The following FHIT variants were observed in gnomAD, a reference collection of about 807,000 sequenced individuals.
The protein encoded by FHIT is fragile histidine triad diadenosine triphosphatase.
FHIT carries 19 observed loss-of-function variants against 17.9 expected under a neutral mutation model. The ratio of observed to expected loss-of-function variants is 1.06; its 90% CI spans 0.74 to 1.56. The LOEUF (loss-of-function observed/expected upper bound fraction) is 1.56, where lower values mean the gene tolerates loss of function less well. FHIT is among the 40% of genes most tolerant of loss of function. The probability of loss-of-function intolerance (pLI) is 0.00; values close to 1 mark genes in which losing one functional copy is unlikely to be tolerated. For missense variants in FHIT, 248 were observed against 189.2 expected (o/e 1.31, Z -1.82); for synonymous variants, 81 against 69.7 (o/e 1.16, Z -0.81).
At chr3:60,072,525 G>A (rs1702822818) in intron 5 of FHIT, among the ~76,000 whole-genome samples, 1 of 152,140 alleles carries the variant, frequency 6.6e-6, no homozygotes, top group South Asian at 2.1e-4. Context: ...TATGTGCTGG[G>A]CACTGTTTTA....
intron 7 of FHIT, among the ~76,000 whole-genome samples, chr3:59,936,689 G>C (rs761224443): frequency 2.0e-5 from 3 of 152,034 alleles, no homozygotes; most frequent in African/African-American, 7.2e-5. Flanking sequence ...CAGTCCAAAG[G>C]GGAAAAAATG....
chr3:59,898,264 TG>T (rs1309903867), intron 8 of FHIT, among the ~76,000 whole-genome samples: 1 of 152,218 alleles, frequency 6.6e-6, no homozygotes, highest in Non-Finnish European at 1.5e-5. Context: ...TGTTTAGACT[TG>T]GGTCCCATTC....
intron 8 of FHIT, among the ~76,000 whole-genome samples, chr3:59,891,774 G>C (rs186462585): frequency 1.3e-5 from 2 of 152,098 alleles, no homozygotes; most frequent in African/African-American, 4.8e-5. Flanking sequence ...TGGATGTCTT[G>C]TAAGTAAAAT....
At chr3:60,205,642 T>A (rs1239226707) in intron 5 of FHIT, among the ~76,000 whole-genome samples, 1 of 152,168 alleles carries the variant, frequency 6.6e-6, no homozygotes, top group African/African-American at 2.4e-5. Flanking sequence ...GGGTCATGTG[T>A]ACGGGAATGG....
intron 4 of FHIT, among the ~76,000 whole-genome samples, chr3:60,623,702 T>C (rs2039199300): frequency 6.6e-6 from 1 of 152,156 alleles, no homozygotes; most frequent in South Asian, 2.1e-4. Flanking sequence ...ACAAATTAAA[T>C]TGCAGTTAGA....
At chr3:61,228,706 G>T (rs1244511885) in intron 1 of FHIT, among the ~76,000 whole-genome samples, 1 of 152,152 alleles carries the variant, frequency 6.6e-6, no homozygotes, top group Non-Finnish European at 1.5e-5. Context: ...TATTTTAGGA[G>T]GAATATTGGC....
At chr3:59,970,870 A>G (rs992426811) in intron 7 of FHIT, among the ~76,000 whole-genome samples, 2 of 149,310 alleles carry the variant, frequency 1.3e-5, no homozygotes, top group Non-Finnish European at 3.0e-5. Flanking sequence ...AAATTTCTAC[A>G]TTCAATCAGG....
At chr3:60,398,852 C>G (rs915592318) in intron 5 of FHIT, among the ~76,000 whole-genome samples, 4 of 148,250 alleles carry the variant, frequency 2.7e-5, no homozygotes, top group Non-Finnish European at 5.9e-5. Context: ...AACTGACAAA[C>G]TCTGGATGTG....
At chr3:59,949,772 C>T (rs1707020769) in intron 7 of FHIT, among the ~76,000 whole-genome samples, 1 of 152,184 alleles carries the variant, frequency 6.6e-6, no homozygotes, top group African/African-American at 2.4e-5. Context: ...ATATGAACAT[C>T]ATATTCAATA....
chr3:59,837,282 C>A (rs1314972515), intron 8 of FHIT, among the ~76,000 whole-genome samples: 10 of 152,140 alleles, frequency 6.6e-5, no homozygotes, highest in Admixed American at 6.5e-4. Flanking sequence ...CACGGATGTT[C>A]AGGTCGCTGA....
intron 4 of FHIT, among the ~76,000 whole-genome samples, chr3:60,654,527 A>G (rs994890657): frequency 6.6e-6 from 1 of 151,788 alleles, no homozygotes; most frequent in Non-Finnish European, 1.5e-5. Context: ...TTATTGAGGT[A>G]TATACTCAGA....
intron 7 of FHIT, among the ~76,000 whole-genome samples, chr3:60,010,911 AAAGG>A (rs1198986969): frequency 2.0e-5 from 3 of 152,156 alleles, no homozygotes; most frequent in Non-Finnish European, 4.4e-5. Context: ...AGGAGAACAG[AAAGG>A]AAGGGAGGCA....
intron 5 of FHIT, among the ~76,000 whole-genome samples, chr3:60,456,460 T>C (rs2032100604): frequency 6.6e-6 from 1 of 152,234 alleles, no homozygotes; most frequent in South Asian, 2.1e-4. Context: ...ACTATGTACC[T>C]TCTTAAATAC....
chr3:60,204,321 G>A (rs1703057911), intron 5 of FHIT, among the ~76,000 whole-genome samples: 1 of 152,130 alleles, frequency 6.6e-6, no homozygotes, highest in Non-Finnish European at 1.5e-5. Context: ...CCAGGCTGGA[G>A]TACAGTAGCG....
intron 2 of FHIT, among the ~76,000 whole-genome samples, chr3:61,096,126 G>T (rs2035630462): frequency 6.6e-6 from 1 of 152,156 alleles, no homozygotes; most frequent in Non-Finnish European, 1.5e-5. Flanking sequence ...AACCCTCAGG[G>T]CTTTAAATCT....
chr3:60,276,621 T>C (rs1380039791), intron 5 of FHIT, among the ~76,000 whole-genome samples: 1 of 152,194 alleles, frequency 6.6e-6, no homozygotes, highest in African/African-American at 2.4e-5. Flanking sequence ...ATTAGTCTCT[T>C]TGCATTACTC....
intron 5 of FHIT, among the ~76,000 whole-genome samples, chr3:60,072,759 T>C (rs539711080): frequency 1.5e-3 from 229 of 152,316 alleles, no homozygotes; most frequent in Middle Eastern, 0.01. Flanking sequence ...TTCTGTACTA[T>C]TCTCTATTGA....
intron 8 of FHIT, among the ~76,000 whole-genome samples, chr3:59,880,956 A>G (rs1703383744): frequency 6.6e-6 from 1 of 152,174 alleles, no homozygotes; most frequent in African/African-American, 2.4e-5. Flanking sequence ...GTCACTTCCA[A>G]TTTGAGGGCA....
rs547324270 is a variant in FHIT at position 60,542,954 on chromosome 3, T to G, written c.-17-5975A>C. Among the ~76,000 whole-genome samples the G allele has an allele frequency of 2.6e-5, 4 of 152,282 alleles. No individual in the cohort carries two copies. In the South Asian group the frequency reaches 8.3e-4, roughly 32 times the overall value. Reference sequence around the variant, plus strand: ...GTATGAAATACAGAAACGGCTTCATTTTTCTTTTTGTGAGCCAATTTTCCT... The same window carrying G: ...GTATGAAATACAGAAACGGCTTCATGTTTCTTTTTGTGAGCCAATTTTCCT... On this transcript the variant is annotated intron_variant, in intron 4 of 9. Coordinates refer to ENST00000492590, the MANE Select transcript of FHIT (RefSeq NM_002012.4).
Sources: gnomAD v4.1 joint callset for allele counts (sites outside exome capture counted in the v4.1 genomes callset) on GRCh38, gnomAD v4.1.1 for gene constraint, MANE v1.5 for transcripts, NCBI Gene and HGNC (gene_info 2026-07-23, HGNC 2026-07-21) for gene names.